CHST11: variants seen among roughly 807,000 people sequenced by gnomAD.
The protein encoded by CHST11 is C4S-1.
Under a neutral mutation model 30.4 loss-of-function variants are expected in CHST11, and 9 were observed. The ratio of observed to expected loss-of-function variants is 0.30; its 90% CI spans 0.18 to 0.52. The LOEUF is 0.52. Ranked by LOEUF, CHST11 falls within the 20% of genes least tolerant of loss-of-function variation. The probability of loss-of-function intolerance (pLI) is 0.97; values close to 1 mark genes in which losing one functional copy is unlikely to be tolerated. For synonymous variants in CHST11, 152 were observed against 187.8 expected, an observed-to-expected ratio of 0.81 and a Z score of 1.56; for missense variants, 348 against 460.6, an observed-to-expected ratio of 0.76 and a Z score of 2.24.
chr12:104,524,461 C>G (rs2374400), intron 1 of CHST11, among the ~76,000 whole-genome samples: 31,187 of 152,076 alleles, frequency 0.21, 3,463 homozygotes, highest in Middle Eastern at 0.33. Flanking sequence ...GACATAGACA[C>G]GTATAGGGAA....
At chr12:104,753,994 G>A (rs2040455158) in intron 2 of CHST11, among the ~76,000 whole-genome samples, 1 of 152,246 alleles carries the variant, frequency 6.6e-6, no homozygotes, top group Non-Finnish European at 1.5e-5. Context: ...TGGATCCGTG[G>A]TTCAGTAGCC....
In CHST11 at chr12:104,757,677, T is replaced by A; in HGVS notation, c.933T>A (p.Thr311=). Residue 311 remains threonine (T), a synonymous_variant, in exon 3 of 3, where the codon ACT becomes ACA. Coordinates refer to ENST00000303694, the MANE Select transcript of CHST11 (RefSeq NM_018413.6). This position sits in a 1 kb window ranked among gnomAD's most constrained non-coding sequence, Gnocchi z 6.5. ...CCTATGCAAAGTCTACGAGAACTAC[T>A]GATGAAATGACCACAGAATTCTTCC... ...FPTYAKSTRT[T]DEMTTEFFQN... is the part of the protein sequence containing the mutation. 1.2e-6 allele frequency: 2 copies of A among 1,614,166 alleles called. No homozygotes were observed. Among genetic ancestry groups the A allele is most frequent in the Non-Finnish European group, 1.7e-6 (2 of 1,180,040 alleles).
intron 1 of CHST11, among the ~76,000 whole-genome samples, chr12:104,548,043 A>G (rs766808690): frequency 1.4e-4 from 22 of 152,230 alleles, no homozygotes; most frequent in Non-Finnish European, 2.4e-4. Flanking sequence ...ACTTTCTGAA[A>G]TCAACCACTG....
intron 2 of CHST11, among the ~76,000 whole-genome samples, chr12:104,645,136 A>G (rs1422028517): frequency 6.6e-6 from 1 of 151,474 alleles, no homozygotes; most frequent in Non-Finnish European, 1.5e-5. Context: ...TTTAGTAGAG[A>G]CGGGGTTTCA....
chr12:104,457,678 G>T lies in CHST11; in HGVS notation c.118+149G>T, dbSNP rs950601150. 1.8e-5 allele frequency: 12 copies of T among 677,536 alleles called. No individual in the cohort carries two copies. In the Admixed American group the frequency reaches 2.2e-4, roughly 12 times the overall value. 42.0% of individuals were successfully genotyped at this position (677,536 alleles called of 1,614,324 possible). A position where few individuals can be genotyped will look rare whatever the true frequency, so the allele number is the denominator to read the frequency against. Reference sequence around the variant, plus strand: ...GCTGCCCAGAGCTCCTGGCTGCCCAGATCTACCCGGGTCACCGCGTCGGGA... The same window carrying T: ...GCTGCCCAGAGCTCCTGGCTGCCCATATCTACCCGGGTCACCGCGTCGGGA... On this transcript the variant is annotated intron_variant, in intron 1 of 2. Transcript: ENST00000303694.
chr12:104,459,543 T>G (rs1210006264), intron 1 of CHST11, among the ~76,000 whole-genome samples: 4 of 152,242 alleles, frequency 2.6e-5, no homozygotes, highest in Non-Finnish European at 5.9e-5. Context: ...AATACAATTG[T>G]CATGGAATTC....
intron 2 of CHST11, among the ~76,000 whole-genome samples, chr12:104,685,806 T>C (rs2039841208): frequency 6.6e-6 from 1 of 152,242 alleles, no homozygotes; most frequent in Non-Finnish European, 1.5e-5. Context: ...GTGCTGAACA[T>C]GTGTTCTCTG....
At chr12:104,572,977 C>A (rs1457749629) in intron 1 of CHST11, among the ~76,000 whole-genome samples, 5 of 152,002 alleles carry the variant, frequency 3.3e-5, no homozygotes, top group Non-Finnish European at 5.9e-5. Context: ...ATCGTCTCAG[C>A]CCAAAATCTC....
chr12:104,510,355 G>C (rs1336231658), intron 1 of CHST11, among the ~76,000 whole-genome samples: 4 of 152,172 alleles, frequency 2.6e-5, no homozygotes, highest in African/African-American at 9.7e-5. Flanking sequence ...CCAGAAATGG[G>C]GGAAGGGTTG....
chr12:104,716,028 C>G (rs537699798), intron 2 of CHST11, among the ~76,000 whole-genome samples: 1 of 152,292 alleles, frequency 6.6e-6, no homozygotes, highest in South Asian at 2.1e-4. Context: ...AGCTCCAGCC[C>G]AGGCCTGGGG....
intron 2 of CHST11, among the ~76,000 whole-genome samples, chr12:104,707,205 C>T (rs1036453386): frequency 1.3e-5 from 2 of 152,150 alleles, no homozygotes; most frequent in Non-Finnish European, 2.9e-5. Context: ...ACTTGTTTTC[C>T]AAGAATCTAG....
chr12:104,530,248 G>A (rs1355549344), intron 1 of CHST11, among the ~76,000 whole-genome samples: 2 of 152,074 alleles, frequency 1.3e-5, no homozygotes, highest in Admixed American at 1.3e-4. Context: ...ATAAATGTTA[G>A]TTATCACTAC....
chr12:104,537,249 C>T (rs551322619), intron 1 of CHST11, among the ~76,000 whole-genome samples: 1 of 152,316 alleles, frequency 6.6e-6, no homozygotes, highest in Admixed American at 6.5e-5. Flanking sequence ...GATTATGGTT[C>T]TAAGATACAG....
chr12:104,529,426 G>A (rs537705350), intron 1 of CHST11, among the ~76,000 whole-genome samples: 2 of 152,190 alleles, frequency 1.3e-5, no homozygotes, highest in African/African-American at 2.4e-5. Flanking sequence ...ATAAGATCAT[G>A]CATGTAAAGT....
intron 2 of CHST11, among the ~76,000 whole-genome samples, chr12:104,664,440 G>A (rs1022640287): frequency 2.0e-5 from 3 of 152,102 alleles, no homozygotes; most frequent in South Asian, 4.1e-4. Context: ...AGAGAAGCAC[G>A]GCTTTATGTA....
chr12:104,494,461 G>A (rs1018634943), intron 1 of CHST11, among the ~76,000 whole-genome samples: 1 of 152,246 alleles, frequency 6.6e-6, no homozygotes, highest in South Asian at 2.1e-4. Context: ...GATGTGACAA[G>A]TGAGTTGGAG....
chr12:104,651,151 C>T (rs2136082003), intron 2 of CHST11, among the ~76,000 whole-genome samples: 1 of 152,320 alleles, frequency 6.6e-6, no homozygotes. Context: ...CCATCCAGCA[C>T]ATCACCATCA....
chr12:104,527,451 G>T (rs746562016), intron 1 of CHST11, among the ~76,000 whole-genome samples: 5 of 152,142 alleles, frequency 3.3e-5, no homozygotes, highest in Non-Finnish European at 7.4e-5. Context: ...TCTTGCCTGA[G>T]AAACTACAGA....
intron 2 of CHST11, among the ~76,000 whole-genome samples, chr12:104,616,467 ATTT>A (rs35122771): frequency 2.9e-5 from 4 of 139,336 alleles, no homozygotes; most frequent in Admixed American, 7.1e-5. Context: ...GGGAAACTAC[ATTT>A]TTTTTTTTTT....
Sources: allele counts gnomAD v4.1 joint callset (sites outside exome capture counted in the v4.1 genomes callset), GRCh38; gene constraint gnomAD v4.1.1; non-coding constraint Gnocchi (gnomAD v3.1); transcripts MANE v1.5; gene names NCBI Gene and HGNC (gene_info 2026-07-23, HGNC 2026-07-21).